The following MTA2 variants were observed in gnomAD, a reference collection of about 807,000 sequenced individuals.
MTA2 encodes the protein metastasis associated 1 family member 2, also known as metastasis-associated protein MTA2.
A neutral mutation model predicts 87.1 loss-of-function variants in MTA2; 22 were observed. The observed-to-expected ratio is 0.25, with a 90% CI of 0.18 to 0.36. The LOEUF (loss-of-function observed/expected upper bound fraction) is 0.36, where lower values mean the gene tolerates loss of function less well. Among genes scored for constraint, MTA2 ranks in the 10% least tolerant of loss-of-function variants. The pLI is 1.00. For missense variants in MTA2, 542 were observed against 853.2 expected (o/e 0.64, Z 4.54); for synonymous variants, 314 against 310.1 (o/e 1.01, Z -0.13).
intron 7 of MTA2, 26 bp downstream of exon 7, chr11:62,597,584 A>G (rs1942116342): frequency 2.5e-6 from 4 of 1,604,822 alleles, no homozygotes; most frequent in Non-Finnish European, 3.4e-6. Flanking sequence ...CCCCCAGCCC[A>G]TCTTCCCTAT....
intron 3 of MTA2, 95 bp downstream of exon 3, chr11:62,600,071 C>G: frequency 8.5e-7 from 1 of 1,176,402 alleles, no homozygotes; most frequent in South Asian, 1.4e-5. Flanking sequence ...ACTCACACCT[C>G]TGCCTTGGGC....
At chr11:62,594,229 T>G (rs370621135) in intron 17 of MTA2, 30 bp downstream of exon 17, 229 of 1,613,524 alleles carry the variant, frequency 1.4e-4, no homozygotes, top group Non-Finnish European at 1.9e-4. Flanking sequence ...GGACTGTCCC[T>G]CTCAGCCCCT....
chr11:62,593,918 G>A lies in MTA2; in HGVS notation c.1964C>T (p.Ser655Leu). 1.2e-6 allele frequency: 2 copies of A among 1,614,190 alleles called. No homozygotes were observed. Among genetic ancestry groups the A allele is most frequent in the Non-Finnish European group, 8.5e-7 (1 of 1,180,026 alleles). ...VRPPVPLPAP[S>L]HPASTNEPIV... is the part of the protein sequence containing the mutation. ...AGGCTCATTGGTGCTGGCAGGATGT[G>A]AGGGTGCAGGTAGAGGGACAGGGGG... Residue 655 changes from serine (S) to leucine (L), a missense_variant, in exon 18 of 18, where the codon TCA (serine) becomes TTA (leucine). Ser to Leu is a moderately radical substitution (Grantham distance 145, BLOSUM62 -2). Coordinates refer to ENST00000278823, the MANE Select transcript of MTA2 (RefSeq NM_004739.4).
At chr11:62,598,755 C>G in intron 3 of MTA2, 116 bp from the exon 4 acceptor site, 1 of 920,186 alleles carries the variant, frequency 1.1e-6, no homozygotes, top group Non-Finnish European at 1.7e-6. Flanking sequence ...CTCACATTTC[C>G]CAGGCGTCTG....
chr11:62,598,463 C>A, intron 4 of MTA2, 59 bp downstream of exon 4: 1 of 1,606,908 alleles, frequency 6.2e-7, no homozygotes, highest in Non-Finnish European at 8.5e-7. Context: ...ATACCACCTC[C>A]TTCTCTCCAT....
rs1019546612 is a variant in MTA2, at chr11:62,594,053, A to G, written c.1842-13T>C. 3 of 1,579,800 alleles carry G rather than the reference A, an allele frequency of 1.9e-6. No individual in the cohort carries two copies. Among genetic ancestry groups the G allele is most frequent in the Non-Finnish European group, 2.6e-6 (3 of 1,164,682 alleles). The stretch of plus-strand genomic sequence containing the variant: ...CTTCCGTAGGGCCCTGGCCAGAAAG[A>G]GCAAGTGGGAAACAGAAAAGGCTTA... On this transcript the variant is annotated splice_polypyrimidine_tract_variant and intron_variant, in intron 17 of 17. Coordinates refer to ENST00000278823, the MANE Select transcript of MTA2 (RefSeq NM_004739.4).
chr11:62,599,036 C>A (rs1942139209), intron 3 of MTA2, among the ~76,000 whole-genome samples: 1 of 152,212 alleles, frequency 6.6e-6, no homozygotes, highest in African/African-American at 2.4e-5. Context: ...TTTACCAGTT[C>A]TTTTCAATTT....
In MTA2 at chr11:62,595,727, T is replaced by G. The variant is rs1942089784; in HGVS notation, c.1254+25A>C. 6.2e-7 allele frequency: 1 copy of G among 1,613,038 alleles called. No homozygotes were observed. The highest frequency in any genetic ancestry group is 1.3e-5 in the African/African-American group (1 of 74,902). On this transcript the variant is annotated intron_variant, in intron 13 of 17. Coordinates refer to ENST00000278823, the MANE Select transcript of MTA2 (RefSeq NM_004739.4). The surrounding 1 kb of genome is among the most constrained non-coding windows in gnomAD (Gnocchi z 4.9). ...CATCAATATGCTTACTGCTCTCCCCTGCTTTTCTTCCCACTGATCCTTACC... is the reference window on the plus strand; with the variant it reads ...CATCAATATGCTTACTGCTCTCCCCGGCTTTTCTTCCCACTGATCCTTACC...
At chr11:62,598,003 C>G in intron 6 of MTA2, 21 bp downstream of exon 6, 2 of 1,588,854 alleles carry the variant, frequency 1.3e-6, no homozygotes, top group African/African-American at 2.7e-5. Context: ...GGTAGCCGTA[C>G]AGTCTTGTCC....
Position 62,601,592 on chromosome 11 carries a change from C to T in MTA2, c.-142G>A. 1.2e-5 allele frequency: 11 copies of T among 943,032 alleles called. No homozygotes were observed. The highest frequency in any genetic ancestry group is 1.7e-5 in the Non-Finnish European group (11 of 663,382). The allele number at this position is 943,032 out of a possible 1,614,324, so 58.4% of individuals were successfully genotyped here. A position where few individuals can be genotyped will look rare whatever the true frequency, so the allele number is the denominator to read the frequency against. On this transcript the variant is annotated 5_prime_UTR_variant, in exon 1 of 18. Transcript: ENST00000278823. ...GGGGCCCGCGCAGCCGGCACCTCCG[C>T]TGCCTCAGCCGTCGCGGTTCATCCC... is the stretch of plus-strand genomic sequence containing the variant.
rs751679160 is a variant in MTA2 at position 62,594,323 on chromosome 11, G to A, written c.1777C>T (p.Arg593Cys). 2.5e-6 allele frequency: 4 copies of A among 1,614,180 alleles called. No homozygotes were observed. Among genetic ancestry groups the A allele is most frequent in the Non-Finnish European group, 3.4e-6 (4 of 1,180,038 alleles). The change falls in exon 17 of 18, where the codon CGT (arginine) becomes TGT (cysteine). Residue 593 changes from arginine to cysteine, a missense_variant. Physicochemically the swap from Arg to Cys is radical, Grantham distance 180 (BLOSUM62 -3). This residue lies in a region of MTA2 where 269 missense variants were observed against 346.4 expected (regional missense o/e 0.78). Transcript: ENST00000278823. ...IRSSSQPAAK[R>C]QKLNPADAPN... ...GCATCAGCTGGGTTTAGTTTCTGAC[G>A]CTTGGCTGCTGGCTGTGAGCTTGAA...
rs1019409760 is a variant in MTA2 at position 62,601,720 on chromosome 11, C to A, written c.-270G>T. 3 of 521,438 alleles carry A rather than the reference C, an allele frequency of 5.8e-6. No individual in the cohort carries two copies. Among genetic ancestry groups the A allele is most frequent in the African/African-American group, 4.1e-5 (2 of 49,186 alleles). The allele number at this position is 521,438 out of a possible 1,614,324, so 32.3% of individuals were successfully genotyped here. A position where few individuals can be genotyped will look rare whatever the true frequency, so the allele number is the denominator to read the frequency against. On this transcript the variant is annotated 5_prime_UTR_variant, in exon 1 of 18. Transcript: ENST00000278823. Reference sequence around the variant, plus strand: ...CGGAACGAGCTCGGCTCCTGCCAGGCCAGAGCCAGGCTCCAGCTACCCCCG... The same window carrying A: ...CGGAACGAGCTCGGCTCCTGCCAGGACAGAGCCAGGCTCCAGCTACCCCCG...
chr11:62,599,408 G>T (rs1332574553), intron 3 of MTA2: 2 of 152,278 alleles, frequency 1.3e-5, no homozygotes, highest in Non-Finnish European at 2.9e-5. Flanking sequence ...ATTGGACAAG[G>T]CCAAGGTCAG....
In MTA2 at chr11:62,593,672, T is replaced by A; in HGVS notation, c.*203A>T. On this transcript the variant is annotated 3_prime_UTR_variant, in exon 18 of 18. Transcript: ENST00000278823. The stretch of plus-strand genomic sequence containing the variant: ...ACATGGGCCAAGTTCCTGCAGTCTG[T>A]CCTCCATCGGCAAGCATGGAGGCAT... The A allele has an allele frequency of 1.6e-6, 1 of 611,250 alleles. No homozygotes were observed. The highest frequency in any genetic ancestry group is 3.0e-5 in the East Asian group (1 of 32,904). The allele number at this position is 611,250 out of a possible 1,614,324, so 37.9% of individuals were successfully genotyped here. A position where few individuals can be genotyped will look rare whatever the true frequency, so the allele number is the denominator to read the frequency against.
chr11:62,593,730 C>T lies in MTA2; in HGVS notation c.*145G>A, dbSNP rs535789302. On this transcript the variant is annotated 3_prime_UTR_variant, in exon 18 of 18. Transcript: ENST00000278823. Reference sequence around the variant, plus strand: ...GTCTCGAGGTGGTAACACCAGAGGGCGCCCAACCCCTCCAGGGACACACAC... The same window carrying T: ...GTCTCGAGGTGGTAACACCAGAGGGTGCCCAACCCCTCCAGGGACACACAC... 10 of 996,012 alleles carry T rather than the reference C, an allele frequency of 1.0e-5. No individual in the cohort carries two copies. Among genetic ancestry groups the T allele is most frequent in the Admixed American group, 2.6e-5 (1 of 38,280 alleles). 61.7% of individuals were successfully genotyped at this position (996,012 alleles called of 1,614,324 possible). A position where few individuals can be genotyped will look rare whatever the true frequency, so the allele number is the denominator to read the frequency against.
chr11:62,594,297 G>T lies in MTA2; in HGVS notation c.1803C>A (p.Ala601=), dbSNP rs763802339. ...AKRQKLNPAD[A]PNPVVFVATK... is the part of the protein sequence containing the mutation. ...TGGCCACAAACACCACAGGATTGGG[G>T]GCATCAGCTGGGTTTAGTTTCTGAC... Residue 601 remains alanine (A), a synonymous_variant, in exon 17 of 18, where the codon GCC becomes GCA. Transcript: ENST00000278823. The T allele has an allele frequency of 1.2e-6, 2 of 1,614,024 alleles. No individual in the cohort carries two copies. The highest frequency in any genetic ancestry group is 3.3e-5 in the Admixed American group (2 of 60,008).
intron 10 of MTA2, 32 bp downstream of exon 10, chr11:62,596,421 GTAGCC>G (rs1272859442): frequency 1.2e-6 from 2 of 1,612,936 alleles, no homozygotes; most frequent in Non-Finnish European, 1.7e-6. Flanking sequence ...AGGTCAGCAG[GTAGCC>G]TATGGTCCAC....
chr11:62,596,892 A>G, intron 8 of MTA2, 67 bp from the exon 9 acceptor site: 8 of 1,501,798 alleles, frequency 5.3e-6, no homozygotes, highest in Non-Finnish European at 2.7e-6. Context: ...CTGCTCCTTA[A>G]AACACTCCCA....
chr11:62,598,471 C>T, intron 4 of MTA2, 51 bp downstream of exon 4: 2 of 1,607,494 alleles, frequency 1.2e-6, no homozygotes, highest in South Asian at 1.1e-5. Context: ...TCCTTCTCTC[C>T]ATCTTCTACG....
Sources: gnomAD v4.1 joint callset for allele counts (sites outside exome capture counted in the v4.1 genomes callset) on GRCh38, gnomAD v4.1.1 for gene constraint, gnomAD v4.1.1 regional missense constraint, Gnocchi (gnomAD v3.1) non-coding constraint, MANE v1.5 for transcripts, NCBI Gene and HGNC (gene_info 2026-07-23, HGNC 2026-07-21) for gene names.